The following EPHB2 variants were observed in gnomAD, a reference collection of about 807,000 sequenced individuals.
The protein encoded by EPHB2 is ephrin type-B receptor 2.
In EPHB2, 18 loss-of-function variants were observed where a neutral mutation model predicts 96.4. The ratio of observed to expected loss-of-function variants is 0.19; its 90% CI spans 0.13 to 0.28. The LOEUF (loss-of-function observed/expected upper bound fraction) is 0.28. EPHB2 is among the 10% of genes least tolerant of loss of function. EPHB2 has a pLI of 1.00. For synonymous variants in EPHB2, 506 were observed against 534.1 expected (o/e 0.95, Z 0.72); for missense variants, 989 against 1,355.4 (o/e 0.73, Z 4.25).
chr1:22,816,360 C>A (rs745822052), intron 3 of EPHB2, among the ~76,000 whole-genome samples: 1 of 152,152 alleles, frequency 6.6e-6, no homozygotes, highest in African/African-American at 2.4e-5. Flanking sequence ...ACCCATGCCC[C>A]GTGGAAGTTT....
At position 22,864,170 on chromosome 1, in the gene EPHB2, C is replaced by T. The variant is rs138126667; in HGVS notation, c.968-707C>T. Among the ~76,000 whole-genome samples the T allele has an allele frequency of 5.9e-3, 891 of 152,130 alleles. 11 individuals carry two copies. Among genetic ancestry groups the T allele is most frequent in the African/African-American group, 0.02 (818 of 41,480 alleles). Reference sequence around the variant, plus strand: ...AAGTGGTTCTCCCACCTCAGCCTCCCGAGTAACTGGGATTACAGGCATCCG... The same window carrying T: ...AAGTGGTTCTCCCACCTCAGCCTCCTGAGTAACTGGGATTACAGGCATCCG... On this transcript the variant is annotated intron_variant, in intron 4 of 15. Transcript: ENST00000374630.
intron 3 of EPHB2, among the ~76,000 whole-genome samples, chr1:22,855,913 G>A (rs1271995426): frequency 1.3e-5 from 2 of 152,184 alleles, no homozygotes; most frequent in Non-Finnish European, 2.9e-5. Flanking sequence ...CCATGCCCAG[G>A]TTCAATTTCA....
rs548171634 is a variant in EPHB2, at chr1:22,846,421, CA to C, written c.812-16601del. On this transcript the variant is annotated intron_variant, in intron 3 of 15. Transcript: ENST00000374630. The surrounding 1 kb of genome is among the most constrained non-coding windows in gnomAD (Gnocchi z 4.3). ...ACAGAGTGAGAGTGAGACTCTGTCT[CA>C]AAAAAAAAAAAAAAGAAAAGAAAGT... 1.8e-3 allele frequency among the ~76,000 whole-genome samples: 194 copies of C among 108,698 alleles called. 1 individual carries two copies. Among genetic ancestry groups the C allele is most frequent in the Middle Eastern group, 0.01 (2 of 196 alleles). The allele number at this position is 108,698 out of a possible 152,430, so 71.3% of individuals were successfully genotyped here.
intron 3 of EPHB2, among the ~76,000 whole-genome samples, chr1:22,849,526 A>G (rs1645593468): frequency 2.0e-5 from 3 of 152,242 alleles, no homozygotes; most frequent in Admixed American, 1.3e-4. Context: ...ATGTTCTCTC[A>G]GACTTTGGCA....
At chr1:22,781,547 G>T (rs1438599121) in intron 2 of EPHB2, 62 bp downstream of exon 2, 2 of 1,541,398 alleles carry the variant, frequency 1.3e-6, no homozygotes, top group African/African-American at 2.7e-5. Context: ...CTGCTGCAGG[G>T]CCCGAATGCC....
intron 2 of EPHB2, among the ~76,000 whole-genome samples, chr1:22,782,537 C>G (rs1270245215): frequency 1.3e-5 from 2 of 151,974 alleles, no homozygotes; most frequent in African/African-American, 4.8e-5. Flanking sequence ...TTCTTGTCAC[C>G]AATTTTCCAT....
At chr1:22,754,813 G>A (rs1233195990) in intron 1 of EPHB2, among the ~76,000 whole-genome samples, 1 of 79,442 alleles carries the variant, frequency 1.3e-5, no homozygotes, top group Non-Finnish European at 2.5e-5. Context: ...GTGAGAGGCA[G>A]GGGAAGGGAG....
chr1:22,814,037 T>A, intron 3 of EPHB2, among the ~76,000 whole-genome samples: 1 of 151,962 alleles, frequency 6.6e-6, no homozygotes, highest in African/African-American at 2.4e-5. Context: ...TAGGACAGGG[T>A]GGCGGGCACC....
In EPHB2 at chr1:22,906,164, C is replaced by T; in HGVS notation, c.1888+55C>T. 1 of 1,613,228 alleles carries T rather than the reference C, an allele frequency of 6.2e-7. No homozygotes were observed. Among genetic ancestry groups the T allele is most frequent in the Non-Finnish European group, 8.5e-7 (1 of 1,179,742 alleles). Reference sequence around the variant, plus strand: ...TGACCTTAGCCATGGCTGGTGAGACCACCCCAATGTATACCCTTGGGGCAG... The same window carrying T: ...TGACCTTAGCCATGGCTGGTGAGACTACCCCAATGTATACCCTTGGGGCAG... On this transcript the variant is annotated intron_variant, in intron 10 of 15. Coordinates refer to ENST00000374630, the MANE Select transcript of EPHB2 (RefSeq NM_017449.5). This position sits in a 1 kb window ranked among gnomAD's most constrained non-coding sequence, Gnocchi z 4.8.
intron 3 of EPHB2, among the ~76,000 whole-genome samples, chr1:22,840,520 A>G (rs1645450757): frequency 1.3e-5 from 2 of 152,296 alleles, no homozygotes; most frequent in South Asian, 4.1e-4. Context: ...GAGTGCAACG[A>G]TGTGACCTTG....
chr1:22,860,497 T>G lies in EPHB2; in HGVS notation c.812-2540T>G, dbSNP rs1016286173. Reference sequence around the variant, plus strand: ...AGGGCGGCTTAGGGCAGGGGCAGCCTGGGGAGTCTGAGAGGGAGCCAGGAC... The same window carrying G: ...AGGGCGGCTTAGGGCAGGGGCAGCCGGGGGAGTCTGAGAGGGAGCCAGGAC... On this transcript the variant is annotated intron_variant, in intron 3 of 15. Coordinates refer to ENST00000374630, the MANE Select transcript of EPHB2 (RefSeq NM_017449.5). The surrounding 1 kb of genome is among the most constrained non-coding windows in gnomAD (Gnocchi z 4.6). Among the ~76,000 whole-genome samples the G allele has an allele frequency of 8.6e-5, 13 of 151,782 alleles. No individual in the cohort carries two copies.
chr1:22,782,822 TGAA>T (rs1644554735), intron 2 of EPHB2, among the ~76,000 whole-genome samples: 1 of 151,924 alleles, frequency 6.6e-6, no homozygotes, highest in African/African-American at 2.4e-5. Flanking sequence ...GAGTCGCCAT[TGAA>T]GAAGAGGCTG....
intron 3 of EPHB2, among the ~76,000 whole-genome samples, chr1:22,818,266 G>A (rs1443612692): frequency 1.3e-5 from 2 of 152,012 alleles, no homozygotes; most frequent in African/African-American, 2.4e-5. Flanking sequence ...TCATCCTCCA[G>A]CCCTCCCTCA....
chr1:22,787,971 A>G (rs967405932), intron 3 of EPHB2, among the ~76,000 whole-genome samples: 11 of 152,220 alleles, frequency 7.2e-5, no homozygotes, highest in African/African-American at 2.7e-4. Flanking sequence ...TTGCATGTGC[A>G]GTGACATTCC....
intron 1 of EPHB2, among the ~76,000 whole-genome samples, chr1:22,760,266 G>C (rs1644216580): frequency 6.6e-6 from 1 of 152,078 alleles, no homozygotes; most frequent in African/African-American, 2.4e-5. Flanking sequence ...ATGGGGCTGA[G>C]GGAACCCCAA....
chr1:22,913,879 TTGGGAGATTCA>T lies in EPHB2; in HGVS notation c.*312_*322del. ...GTTCTTGCGGGGGATAAAAAAGGGCTTGGGAGATTCATGCGATGTGTCCAATCGGAGACAAA... is the reference window on the plus strand; with the variant it reads ...GTTCTTGCGGGGGATAAAAAAGGGCTTGCGATGTGTCCAATCGGAGACAAA... On this transcript the variant is annotated 3_prime_UTR_variant, in exon 16 of 16. Transcript: ENST00000374630. The surrounding 1 kb of genome is among the most constrained non-coding windows in gnomAD (Gnocchi z 4.1). 6.3e-7 allele frequency: 1 copy of T among 1,587,194 alleles called. No homozygotes were observed. The highest frequency in any genetic ancestry group is 8.6e-7 in the Non-Finnish European group (1 of 1,168,730).
At chr1:22,836,340 C>T (rs1171332757) in intron 3 of EPHB2, among the ~76,000 whole-genome samples, 1 of 152,238 alleles carries the variant, frequency 6.6e-6, no homozygotes, top group Non-Finnish European at 1.5e-5. Flanking sequence ...AAGGAGTGCG[C>T]CGAGGCCCTT....
In EPHB2 at chr1:22,846,098, C is replaced by T. The variant is rs961586474; in HGVS notation, c.812-16939C>T. On this transcript the variant is annotated intron_variant, in intron 3 of 15. Transcript: ENST00000374630. This position sits in a 1 kb window ranked among gnomAD's most constrained non-coding sequence, Gnocchi z 4.3. Reference sequence around the variant, plus strand: ...CCAGGATGCCCAGGTACCTGCTCTGCTGCAAAGGACTTAATGATTCAAGAA... The same window carrying T: ...CCAGGATGCCCAGGTACCTGCTCTGTTGCAAAGGACTTAATGATTCAAGAA... Among the ~76,000 whole-genome samples the T allele has an allele frequency of 3.9e-5, 6 of 152,106 alleles. No individual in the cohort carries two copies. Among genetic ancestry groups the T allele is most frequent in the African/African-American group, 1.2e-4 (5 of 41,402 alleles).
chr1:22,824,783 G>A (rs572123689), intron 3 of EPHB2, among the ~76,000 whole-genome samples: 17 of 152,218 alleles, frequency 1.1e-4, no homozygotes, highest in Non-Finnish European at 2.1e-4. Flanking sequence ...TGTCCCTGTC[G>A]TGGTTTTAAT....
Sources: gnomAD v4.1 joint callset for allele counts (sites outside exome capture counted in the v4.1 genomes callset) on GRCh38, gnomAD v4.1.1 for gene constraint, Gnocchi (gnomAD v3.1) non-coding constraint, MANE v1.5 for transcripts, NCBI Gene and HGNC (gene_info 2026-07-23, HGNC 2026-07-21) for gene names.